Variants in PRDM15 observed in about 807,000 individuals in gnomAD.
PRDM15 encodes PR domain zinc finger protein 15.
A neutral mutation model predicts 128.6 loss-of-function variants in PRDM15; 64 were observed. The observed-to-expected ratio is 0.50, with a 90% confidence interval of 0.41 to 0.61. PRDM15 has a LOEUF of 0.61. Among genes scored for constraint, PRDM15 ranks in the 20% least tolerant of loss-of-function variants. PRDM15 has a pLI of 0.00. For missense variants in PRDM15, 1,242 were observed against 1,569.1 expected (o/e 0.79, Z 3.52); for synonymous variants, 615 against 621.8 (o/e 0.99, Z 0.16).
chr21:41,833,388 C>T (rs11910911), intron 11 of PRDM15, among the ~76,000 whole-genome samples: 5,090 of 152,210 alleles, frequency 0.033, 283 homozygotes, highest in African/African-American at 0.12. Flanking sequence ...CAACAGTGAC[C>T]CATCCCTCTG....
chr21:41,861,637 T>A lies in PRDM15; in HGVS notation c.-9-1265A>T. On this transcript the variant is annotated intron_variant, in intron 1 of 23. Transcript: ENST00000398548. ...TTTAGGAAAGTGTGCATGCTGGCACTTCTTGAATGCTGATTCCACACGCCC... is the reference window on the plus strand; with the variant it reads ...TTTAGGAAAGTGTGCATGCTGGCACATCTTGAATGCTGATTCCACACGCCC... 3 of 1,613,978 alleles carry A rather than the reference T, an allele frequency of 1.9e-6. 1 individual carries two copies. In the Middle Eastern group the frequency reaches 5.0e-4, roughly 267 times the overall value.
chr21:41,842,171 A>G (rs148368112), intron 6 of PRDM15, among the ~76,000 whole-genome samples: 11 of 152,356 alleles, frequency 7.2e-5, no homozygotes, highest in Admixed American at 2.0e-4. Context: ...TGATATTGAT[A>G]AGTCTGGCAA....
intron 7 of PRDM15, 110 bp from the exon 8 acceptor site, chr21:41,838,173 A>G: frequency 8.5e-7 from 1 of 1,182,588 alleles, no homozygotes; most frequent in South Asian, 1.4e-5. Context: ...CCAGAATGGT[A>G]GGCACAAATG....
chr21:41,868,379 G>A (rs535555200), intron 1 of PRDM15, among the ~76,000 whole-genome samples: 1 of 152,250 alleles, frequency 6.6e-6, no homozygotes, highest in South Asian at 2.1e-4. Flanking sequence ...CATCTGTTAG[G>A]AGGATGTTTC....
chr21:41,801,724 T>G lies in PRDM15; in HGVS notation c.2944-2A>C, dbSNP rs1203288943. On this transcript the variant is annotated splice_acceptor_variant, in intron 23 of 23. Transcript: ENST00000398548. LOFTEE classifies it high-confidence loss of function. ...TGGGTCACCCAGGGTCACCACTACC[T>G]GGAAGATTCACACACAACAAAAATC... is the stretch of plus-strand genomic sequence containing the variant. 6.2e-7 allele frequency: 1 copy of G among 1,608,754 alleles called. No individual in the cohort carries two copies. Among genetic ancestry groups the G allele is most frequent in the East Asian group, 2.2e-5 (1 of 44,734 alleles).
intron 9 of PRDM15, 84 bp downstream of exon 9, chr21:41,836,384 G>A (rs2062892293): frequency 7.0e-7 from 1 of 1,434,222 alleles, no homozygotes; most frequent in Non-Finnish European, 9.6e-7. Flanking sequence ...ACGACCCAAG[G>A]AGGGGAGACT....
intron 1 of PRDM15, among the ~76,000 whole-genome samples, chr21:41,872,357 C>T (rs1231537852): frequency 6.6e-6 from 1 of 152,186 alleles, no homozygotes; most frequent in African/African-American, 2.4e-5. Context: ...CTTCCCCTCC[C>T]CTCATTTCCC....
intron 10 of PRDM15, among the ~76,000 whole-genome samples, chr21:41,835,727 G>A (rs17113598): frequency 0.037 from 5,601 of 152,218 alleles, 151 homozygotes; most frequent in Middle Eastern, 0.11. Flanking sequence ...CACTCAGGGA[G>A]CCCCACTCCA....
At chr21:41,845,655 T>G (rs1278182743) in intron 6 of PRDM15, among the ~76,000 whole-genome samples, 1 of 152,084 alleles carries the variant, frequency 6.6e-6, no homozygotes, top group East Asian at 2.0e-4. Flanking sequence ...TCAAGGAAGT[T>G]TCTGGAGGAC....
At chr21:41,847,333 C>T (rs1048615890) in intron 5 of PRDM15, 142 bp from the exon 6 acceptor site, 1 of 594,870 alleles carries the variant, frequency 1.7e-6, no homozygotes. Flanking sequence ...GTGGTCACTC[C>T]ACATGACAGA....
intron 5 of PRDM15, among the ~76,000 whole-genome samples, chr21:41,853,908 G>A (rs1267690122): frequency 2.0e-5 from 3 of 152,108 alleles, no homozygotes; most frequent in Admixed American, 1.3e-4. Flanking sequence ...TGTGACCTGG[G>A]GTCAGTTCCT....
intron 19 of PRDM15, chr21:41,812,466 T>C (rs1306111347): frequency 6.6e-6 from 1 of 151,942 alleles, no homozygotes; most frequent in Non-Finnish European, 1.5e-5. Context: ...GTACAGATAA[T>C]CCTGTTAAAA....
At chr21:41,837,863 C>G in intron 8 of PRDM15, 71 bp downstream of exon 8, 1 of 1,578,538 alleles carries the variant, frequency 6.3e-7, no homozygotes, top group East Asian at 2.2e-5. Flanking sequence ...GGTGCCTTCC[C>G]TCCAGAATGG....
chr21:41,801,940 A>C (rs1485181138), intron 23 of PRDM15, among the ~76,000 whole-genome samples: 2 of 152,186 alleles, frequency 1.3e-5, no homozygotes, highest in African/African-American at 4.8e-5. Context: ...CTAAGAAACA[A>C]ATTAATTTCA....
rs2061823455 is a variant in PRDM15, at chr21:41,810,325, G to A, written c.2481C>T (p.Gly827=). 1.9e-6 allele frequency: 3 copies of A among 1,612,022 alleles called. No homozygotes were observed. The highest frequency in any genetic ancestry group is 2.7e-5 in the African/African-American group (2 of 74,538). Residue 827 remains glycine (G), a synonymous_variant, in exon 21 of 24, where the codon GGC becomes GGT. Coordinates refer to ENST00000398548, the MANE Select transcript of PRDM15 (RefSeq NM_001040424.3). This position sits in a 1 kb window ranked among gnomAD's most constrained non-coding sequence, Gnocchi z 6.4. ...METHKLIHTV[G]KQWTCSVCDK... is the part of the protein sequence containing the mutation. The stretch of plus-strand genomic sequence containing the variant: ...CGCACACGGAGCACGTCCACTGCTT[G>A]CCCACTTTTCACACACACGCAGACA...
Position 41,836,486 on chromosome 21 carries a change from T to A in PRDM15, c.1165A>T (p.Arg389Trp), listed in dbSNP as rs571298391. 6.2e-7 allele frequency: 1 copy of A among 1,611,680 alleles called. No homozygotes were observed. Among genetic ancestry groups the A allele is most frequent in the African/African-American group, 1.3e-5 (1 of 74,952 alleles). Residue 389 changes from arginine to tryptophan, a missense_variant, in exon 9 of 24, where the codon AGG (arginine) becomes TGG (tryptophan). Physicochemically the swap from Arg to Trp is moderately radical, Grantham distance 101. Transcript: ENST00000398548. ...KIFQNSSNLS[R>W]HVRSHGDKLF... Reference sequence around the variant, plus strand: ...GACTCACCATGCGAGCGCACGTGCCTGCTCAGGTTGCTGCTGTTCTGGAAG... The same window carrying A: ...GACTCACCATGCGAGCGCACGTGCCAGCTCAGGTTGCTGCTGTTCTGGAAG...
intron 11 of PRDM15, among the ~76,000 whole-genome samples, chr21:41,830,001 CACAA>C (rs1483440395): frequency 1.3e-5 from 2 of 151,162 alleles, no homozygotes; most frequent in African/African-American, 2.4e-5. Flanking sequence ...ACACATACTA[CACAA>C]ACACACATAC....
Position 41,850,914 on chromosome 21 carries a change from A to G in PRDM15, c.538+3652T>C, listed in dbSNP as rs1344381854. Among the ~76,000 whole-genome samples, 3 of 152,220 alleles carry G rather than the reference A, an allele frequency of 2.0e-5. No individual in the cohort carries two copies. In the East Asian group the frequency reaches 5.8e-4, roughly 29 times the overall value. On this transcript the variant is annotated intron_variant, in intron 5 of 23. Transcript: ENST00000398548. Reference sequence around the variant, plus strand: ...CTGACTGATTTCTACACGAAGATGCATGTTTGGAGCAAATCAAAGAGACAG... The same window carrying G: ...CTGACTGATTTCTACACGAAGATGCGTGTTTGGAGCAAATCAAAGAGACAG...
At position 41,844,150 on chromosome 21, in the gene PRDM15, G is replaced by C. The variant is rs148473921; in HGVS notation, c.640+2940C>G. Among the ~76,000 whole-genome samples the C allele has an allele frequency of 6.0e-3, 907 of 152,072 alleles. 5 individuals carry two copies. The highest frequency in any genetic ancestry group is 8.7e-3 in the Non-Finnish European group (592 of 67,982). On this transcript the variant is annotated intron_variant, in intron 6 of 23. Coordinates refer to ENST00000398548, the MANE Select transcript of PRDM15 (RefSeq NM_001040424.3). ...CAGCTTCACATCCCTTGAGATCAGA[G>C]AGGAAATGAGACAAATGGACACCGT...
Sources: gnomAD v4.1 joint callset for allele counts (sites outside exome capture counted in the v4.1 genomes callset) on GRCh38, gnomAD v4.1.1 for gene constraint, Gnocchi (gnomAD v3.1) non-coding constraint, MANE v1.5 for transcripts, NCBI Gene and HGNC (gene_info 2026-07-23, HGNC 2026-07-21) for gene names.